The following ZFAND6 variants were observed in gnomAD, a reference collection of about 807,000 sequenced individuals.
ZFAND6 encodes the protein zinc finger AN1-type containing 6.
A neutral mutation model predicts 24.5 loss-of-function variants in ZFAND6; 12 were observed. That is an observed-to-expected ratio of 0.49 (90% CI 0.31 to 0.79). ZFAND6 has a LOEUF of 0.79. Ranked by LOEUF, ZFAND6 falls within the 30% of genes least tolerant of loss-of-function variation. The pLI is 0.04. For synonymous variants in ZFAND6, 92 were observed against 81.5 expected, an observed-to-expected ratio of 1.13 and a Z score of -0.69; for missense variants, 207 against 245.9, an observed-to-expected ratio of 0.84 and a Z score of 1.06.
chr15:80,067,075 A>G (rs189661498), intron 1 of ZFAND6, among the ~76,000 whole-genome samples: 16 of 152,316 alleles, frequency 1.1e-4, no homozygotes, highest in East Asian at 7.7e-4. Context: ...AATGGTACAT[A>G]TGCAAAGTGC....
chr15:80,070,562 T>C (rs754866075), intron 1 of ZFAND6, among the ~76,000 whole-genome samples: 21 of 152,250 alleles, frequency 1.4e-4, no homozygotes, highest in Non-Finnish European at 2.6e-4. Context: ...CTTGATGTTC[T>C]TTCAAGCAGG....
At chr15:80,067,800 T>C (rs578039646) in intron 1 of ZFAND6, among the ~76,000 whole-genome samples, 3 of 152,266 alleles carry the variant, frequency 2.0e-5, no homozygotes, top group African/African-American at 7.2e-5. Flanking sequence ...TATTGAGATA[T>C]GGCAAGTCTG....
chr15:80,075,485 GA>G (rs2037221653), intron 1 of ZFAND6, among the ~76,000 whole-genome samples: 2 of 151,978 alleles, frequency 1.3e-5, no homozygotes, highest in Admixed American at 6.6e-5. Context: ...AGGGAGAGTG[GA>G]AAGTAGTTTT....
intron 1 of ZFAND6, among the ~76,000 whole-genome samples, chr15:80,066,858 C>T (rs1225023740): frequency 2.7e-5 from 4 of 149,584 alleles, no homozygotes; most frequent in African/African-American, 9.9e-5. Flanking sequence ...GACTGCACCA[C>T]TACACTCTAG....
intron 6 of ZFAND6, among the ~76,000 whole-genome samples, chr15:80,136,389 C>T (rs548374964): frequency 7.9e-5 from 12 of 151,910 alleles, no homozygotes; most frequent in Middle Eastern, 3.4e-3. Context: ...GGCTTGAACG[C>T]AGGAGGCGGA....
intron 5 of ZFAND6, among the ~76,000 whole-genome samples, chr15:80,124,984 A>G (rs1053878236): frequency 3.9e-5 from 6 of 152,234 alleles, no homozygotes; most frequent in African/African-American, 1.4e-4. Context: ...ATGTACGTGT[A>G]TATTCTGTAT....
chr15:80,073,956 CT>C (rs1448163319), intron 1 of ZFAND6, among the ~76,000 whole-genome samples: 1 of 151,824 alleles, frequency 6.6e-6, no homozygotes, highest in Admixed American at 6.6e-5. Flanking sequence ...AAAAAGATTT[CT>C]TTTGGAAAAA....
At chr15:80,096,571 CAAATGTT>C (rs2038734739) in intron 1 of ZFAND6, among the ~76,000 whole-genome samples, 1 of 152,146 alleles carries the variant, frequency 6.6e-6, no homozygotes, top group African/African-American at 2.4e-5. Flanking sequence ...TACAGCATAG[CAAATGTT>C]AAATATTTCA....
chr15:80,138,273 A>C lies in ZFAND6; in HGVS notation c.*645A>C, dbSNP rs1596330056. ...ATTGCTGTCTACAGGTTTCTTTCAG[A>C]TTATGTTCATGGGTTTGTGTGTATA... On this transcript the variant is annotated 3_prime_UTR_variant, in exon 7 of 7. Transcript: ENST00000261749. The C allele has an allele frequency of 6.6e-6, 1 of 152,600 alleles. No individual in the cohort carries two copies. The highest frequency in any genetic ancestry group is 1.9e-4 in the East Asian group (1 of 5,200). 9.5% of individuals were successfully genotyped at this position (152,600 alleles called of 1,614,324 possible). A position where few individuals can be genotyped will look rare whatever the true frequency, so the allele number is the denominator to read the frequency against.
intron 2 of ZFAND6, among the ~76,000 whole-genome samples, chr15:80,104,000 C>G (rs2039175546): frequency 1.3e-5 from 2 of 152,118 alleles, no homozygotes; most frequent in African/African-American, 4.8e-5. Context: ...AGCTGTGCAC[C>G]ACCACACCCA....
chr15:80,095,575 T>C (rs1326789821), intron 1 of ZFAND6, among the ~76,000 whole-genome samples: 1 of 152,244 alleles, frequency 6.6e-6, no homozygotes, highest in Non-Finnish European at 1.5e-5. Flanking sequence ...TAGATGGTAA[T>C]AATTCAGATA....
rs190175101 is a variant in ZFAND6, at chr15:80,117,631, C to G, written c.-17-2697C>G. 3.3e-5 allele frequency among the ~76,000 whole-genome samples: 5 copies of G among 152,284 alleles called. No individual in the cohort carries two copies. In the East Asian group the frequency reaches 7.7e-4, roughly 23 times the overall value. ...TCACAACTCAAACAATTGCACAGTG[C>G]TTTTTCTTCAGTCTTCATACTTCTT... On this transcript the variant is annotated intron_variant, in intron 2 of 6. Transcript: ENST00000261749.
intron 5 of ZFAND6, among the ~76,000 whole-genome samples, chr15:80,129,036 G>A (rs559541418): frequency 6.6e-6 from 1 of 152,262 alleles, no homozygotes; most frequent in East Asian, 1.9e-4. Context: ...ATGGCTTACA[G>A]GTTTCAAAAC....
At chr15:80,129,469 G>A (rs1054590687) in intron 5 of ZFAND6, 1 of 152,200 alleles carries the variant, frequency 6.6e-6, no homozygotes, top group African/African-American at 2.4e-5. Context: ...ACAATGTGTA[G>A]TTCACTGTGA....
intron 2 of ZFAND6, among the ~76,000 whole-genome samples, chr15:80,113,157 C>T (rs1001844937): frequency 1.3e-5 from 2 of 152,038 alleles, no homozygotes; most frequent in African/African-American, 2.4e-5. Context: ...AATGAAAAGG[C>T]CAAAGATAAC....
intron 2 of ZFAND6, among the ~76,000 whole-genome samples, chr15:80,102,390 C>T (rs891425685): frequency 6.6e-6 from 1 of 152,178 alleles, no homozygotes; most frequent in Non-Finnish European, 1.5e-5. Context: ...GCTAGGATTA[C>T]AGGTGTGAGC....
intron 1 of ZFAND6, among the ~76,000 whole-genome samples, chr15:80,081,265 A>G (rs1226692311): frequency 1.3e-5 from 2 of 152,210 alleles, no homozygotes; most frequent in Non-Finnish European, 2.9e-5. Context: ...TCAGATAGTC[A>G]GACTAGTTAC....
chr15:80,081,820 T>A (rs1438180419), intron 1 of ZFAND6, among the ~76,000 whole-genome samples: 6 of 152,252 alleles, frequency 3.9e-5, no homozygotes, highest in Admixed American at 3.9e-4. Context: ...TAATTTAGTT[T>A]AATGTCAGGA....
Position 80,059,990 on chromosome 15 carries a change from G to T in ZFAND6, c.-181+181G>T, listed in dbSNP as rs189151988. 0.02 allele frequency among the ~76,000 whole-genome samples: 3,075 copies of T among 151,268 alleles called. 223 individuals are homozygous for T. The East Asian group carries it at 0.22, about 11-fold the overall frequency. ...TGGTGGGCCCGCGGGGGCCGCGGGC[G>T]AGAGGGCGAGGACTCCCGGCTCCGG... On this transcript the variant is annotated intron_variant, in intron 1 of 6. Transcript: ENST00000261749.
Sources: allele counts gnomAD v4.1 joint callset (sites outside exome capture counted in the v4.1 genomes callset), GRCh38; gene constraint gnomAD v4.1.1; transcripts MANE v1.5; gene names NCBI Gene and HGNC (gene_info 2026-07-23, HGNC 2026-07-21).